ATP8B4: variants seen among roughly 807,000 people sequenced by gnomAD.
ATP8B4 encodes the protein ATPase phospholipid transporting 8B4 (putative), also known as probable phospholipid-transporting ATPase IM.
Under a neutral mutation model 145.6 loss-of-function variants are expected in ATP8B4, and 133 were observed. That is an observed-to-expected ratio of 0.91 (90% CI 0.79 to 1.05). The LOEUF (loss-of-function observed/expected upper bound fraction) is 1.05, where lower values mean the gene tolerates loss of function less well. ATP8B4 is among the 50% of genes least tolerant of loss of function. ATP8B4 has a pLI of 0.00. For missense variants in ATP8B4, 1,458 were observed against 1,425.2 expected (o/e 1.02, Z -0.37); for synonymous variants, 507 against 492.9 (o/e 1.03, Z -0.38).
At chr15:50,177,125 G>A (rs1418313239) in intron 1 of ATP8B4, among the ~76,000 whole-genome samples, 1 of 145,752 alleles carries the variant, frequency 6.9e-6, no homozygotes, top group African/African-American at 2.5e-5. Flanking sequence ...ACAAACCACT[G>A]AATGAGTCAG....
chr15:50,138,245 G>T (rs996185411), intron 1 of ATP8B4, among the ~76,000 whole-genome samples: 5 of 152,136 alleles, frequency 3.3e-5, no homozygotes, highest in Admixed American at 6.5e-5. Flanking sequence ...GATCTGAGGT[G>T]TGTCAAAGGT....
At chr15:49,990,161 G>A (rs887452465) in intron 9 of ATP8B4, among the ~76,000 whole-genome samples, 20 of 152,184 alleles carry the variant, frequency 1.3e-4, no homozygotes, top group Non-Finnish European at 2.8e-4. Flanking sequence ...AAAAAGGTGA[G>A]AGCATTAAAG....
intron 20 of ATP8B4, among the ~76,000 whole-genome samples, chr15:49,909,325 G>C (rs1483268545): frequency 6.6e-6 from 1 of 152,114 alleles, no homozygotes; most frequent in Non-Finnish European, 1.5e-5. Flanking sequence ...ACCACCCGTG[G>C]ACCTGGGGAA....
intron 6 of ATP8B4, among the ~76,000 whole-genome samples, chr15:50,035,855 T>C (rs1012160756): frequency 1.3e-5 from 2 of 152,138 alleles, no homozygotes; most frequent in African/African-American, 4.8e-5. Flanking sequence ...TGCCAATGGC[T>C]CCTGCCCTAG....
chr15:50,020,594 C>A (rs2049474526), intron 6 of ATP8B4, among the ~76,000 whole-genome samples: 1 of 152,138 alleles, frequency 6.6e-6, no homozygotes, highest in African/African-American at 2.4e-5. Context: ...TTCAGTAATG[C>A]ATTCCTCTAC....
chr15:49,874,945 G>A (rs2034174061), intron 25 of ATP8B4, among the ~76,000 whole-genome samples: 1 of 151,994 alleles, frequency 6.6e-6, no homozygotes, highest in Admixed American at 6.6e-5. Flanking sequence ...TGGCACTATT[G>A]TAATAGCACA....
chr15:49,925,451 A>G (rs1021127652), intron 16 of ATP8B4, among the ~76,000 whole-genome samples: 2 of 152,174 alleles, frequency 1.3e-5, no homozygotes, highest in Non-Finnish European at 2.9e-5. Context: ...TAATAGTGAT[A>G]TTATAATGAA....
chr15:49,969,126 T>C (rs938912430), intron 13 of ATP8B4, among the ~76,000 whole-genome samples: 3 of 152,132 alleles, frequency 2.0e-5, no homozygotes, highest in Non-Finnish European at 2.9e-5. Flanking sequence ...GATAAAGCAG[T>C]GTTTAGAGGG....
chr15:49,902,612 T>G (rs2038162242), intron 20 of ATP8B4, among the ~76,000 whole-genome samples: 1 of 152,030 alleles, frequency 6.6e-6, no homozygotes, highest in Non-Finnish European at 1.5e-5. Flanking sequence ...AAAGTCAGAG[T>G]GCTATGTGTG....
chr15:49,956,130 TAA>T (rs897708954), intron 14 of ATP8B4, among the ~76,000 whole-genome samples: 9 of 152,224 alleles, frequency 5.9e-5, no homozygotes, highest in Admixed American at 3.3e-4. Context: ...TATATACTTT[TAA>T]AAGTTTATGA....
intron 2 of ATP8B4, among the ~76,000 whole-genome samples, chr15:50,095,200 A>G (rs561406892): frequency 1.3e-5 from 2 of 152,154 alleles, no homozygotes; most frequent in Non-Finnish European, 2.9e-5. Context: ...TAGGTAAGAT[A>G]CTGAGAGTCT....
chr15:50,020,095 C>A (rs61142712), intron 6 of ATP8B4, among the ~76,000 whole-genome samples: 12,439 of 152,020 alleles, frequency 0.082, 704 homozygotes, highest in East Asian at 0.29. Flanking sequence ...GCTGCAACTG[C>A]AGGTGCACAC....
At chr15:49,883,362 C>T (rs1006931892) in intron 23 of ATP8B4, 4 of 152,148 alleles carry the variant, frequency 2.6e-5, no homozygotes, top group Admixed American at 2.0e-4. Flanking sequence ...ATTTGTCAAC[C>T]GGCACTCAGA....
chr15:50,143,466 G>A (rs2153680052), intron 1 of ATP8B4, among the ~76,000 whole-genome samples: 1 of 152,350 alleles, frequency 6.6e-6, no homozygotes, highest in African/African-American at 2.4e-5. Context: ...ATAGCATGCA[G>A]CTGGCTCTCC....
At chr15:50,056,716 T>TATAC (rs375793369) in intron 3 of ATP8B4, among the ~76,000 whole-genome samples, 33 of 145,982 alleles carry the variant, frequency 2.3e-4, no homozygotes, top group African/African-American at 5.6e-4. Flanking sequence ...TATATATATA[T>TATAC]ACACACACAC....
At chr15:50,071,422 C>T (rs1018835226) in intron 3 of ATP8B4, among the ~76,000 whole-genome samples, 4 of 152,090 alleles carry the variant, frequency 2.6e-5, no homozygotes, top group Non-Finnish European at 5.9e-5. Flanking sequence ...ATAAGGCTTT[C>T]CTTATAGGGT....
intron 13 of ATP8B4, among the ~76,000 whole-genome samples, chr15:49,969,780 G>A (rs950396158): frequency 6.6e-6 from 1 of 152,128 alleles, no homozygotes; most frequent in Admixed American, 6.6e-5. Context: ...TATCAGGCCA[G>A]CCTCATCCTG....
intron 7 of ATP8B4, among the ~76,000 whole-genome samples, chr15:50,005,211 G>A (rs1015928397): frequency 2.6e-5 from 4 of 152,058 alleles, no homozygotes; most frequent in African/African-American, 9.7e-5. Flanking sequence ...CCAACACAAC[G>A]CCCCTTCCCC....
At chr15:50,051,381 G>A (rs1225967074) in intron 3 of ATP8B4, among the ~76,000 whole-genome samples, 1 of 152,136 alleles carries the variant, frequency 6.6e-6, no homozygotes, top group African/African-American at 2.4e-5. Context: ...TTAGCAGCAT[G>A]AAAACGGACT....
Sources: gnomAD v4.1 joint callset for allele counts (sites outside exome capture counted in the v4.1 genomes callset) on GRCh38, gnomAD v4.1.1 for gene constraint, MANE v1.5 for transcripts, NCBI Gene and HGNC (gene_info 2026-07-23, HGNC 2026-07-21) for gene names.